Variants in PES1 observed in about 807,000 individuals in gnomAD.
PES1 encodes pescadillo ribosomal biogenesis factor 1.
PES1 carries 31 observed loss-of-function variants against 77.1 expected under a neutral mutation model. The observed-to-expected ratio is 0.40, with a 90% CI of 0.30 to 0.54. The LOEUF (loss-of-function observed/expected upper bound fraction) is 0.54. Ranked by LOEUF, PES1 falls within the 20% of genes least tolerant of loss-of-function variation. The probability of loss-of-function intolerance (pLI) is 0.45; values close to 1 mark genes in which losing one functional copy is unlikely to be tolerated. For synonymous variants in PES1, 282 were observed against 303.0 expected, an observed-to-expected ratio of 0.93 and a Z score of 0.72; for missense variants, 658 against 771.7, an observed-to-expected ratio of 0.85 and a Z score of 1.75.
At chr22:30,597,282 C>T (rs973567376) in intron 2 of PES1, among the ~76,000 whole-genome samples, 2 of 152,072 alleles carry the variant, frequency 1.3e-5, no homozygotes, top group South Asian at 2.1e-4. Flanking sequence ...GGCAGCTCCA[C>T]CTGTCCTGCC....
chr22:30,579,827 A>G lies in PES1; in HGVS notation c.1278T>C (p.Phe426=), dbSNP rs558376612. 24 of 1,614,028 alleles carry G rather than the reference A, an allele frequency of 1.5e-5. No individual in the cohort carries two copies. The highest frequency in any genetic ancestry group is 1.9e-5 in the Non-Finnish European group (23 of 1,180,018). ...GVQLPPHLSP[F]VTEKEGDYVP... The stretch of plus-strand genomic sequence containing the variant: ...CGTAATCTCCTTCCTTCTCGGTCAC[A>G]AAGGGTGAAAGGTGTGGGGGCAGCT... The change falls in exon 12 of 15, where the codon TTT becomes TTC. Residue 426 remains phenylalanine, a synonymous_variant. Coordinates refer to ENST00000354694, the MANE Select transcript of PES1 (RefSeq NM_014303.4).
chr22:30,588,174 C>T lies in PES1; in HGVS notation c.105G>A (p.Arg35=), dbSNP rs779934235. The T allele has an allele frequency of 1.9e-5, 31 of 1,614,050 alleles. No homozygotes were observed. The East Asian group carries it at 5.8e-4, about 30-fold the overall frequency. The change falls in exon 3 of 15, where the codon AGG becomes AGA. Residue 35 remains arginine, a splice_region_variant and synonymous_variant. Coordinates refer to ENST00000354694, the MANE Select transcript of PES1 (RefSeq NM_014303.4). ...KKLQLSLADF[R]RLCILKGIYP... ...AAATGCCCTTCAGAATGCACAGCCG[C>T]CTGGAAGACAGAGGCCATCTGTTAT... is the stretch of plus-strand genomic sequence containing the variant.
upstream of PES1, among the ~76,000 whole-genome samples, chr22:30,594,666 C>CT (rs1220334240): frequency 3.5e-5 from 5 of 141,892 alleles, no homozygotes; most frequent in Non-Finnish European, 7.8e-5. Context: ...TGTGCCCCGC[C>CT]TTAAAAAAAA....
intron 1 of PES1, 119 bp downstream of exon 1, chr22:30,591,691 G>T: frequency 8.6e-7 from 1 of 1,165,816 alleles, no homozygotes; most frequent in Non-Finnish European, 1.2e-6. Flanking sequence ...GCTGATTACG[G>T]TCACGTCGAT....
At chr22:30,587,172 T>G in intron 4 of PES1, 114 bp downstream of exon 4, 1 of 767,168 alleles carries the variant, frequency 1.3e-6, no homozygotes, top group Non-Finnish European at 2.2e-6. Context: ...CTTGAAAAAG[T>G]TGCAAGCTCT....
chr22:30,606,304 C>G (rs1444947260), intron 1 of PES1, among the ~76,000 whole-genome samples: 2 of 152,158 alleles, frequency 1.3e-5, no homozygotes, highest in Non-Finnish European at 2.9e-5. Context: ...AATCTTGGCT[C>G]ACTGTAGCCT....
chr22:30,595,803 G>A (rs1028745875), upstream of PES1, among the ~76,000 whole-genome samples: 3 of 152,098 alleles, frequency 2.0e-5, no homozygotes, highest in Non-Finnish European at 2.9e-5. Context: ...TGGGCTTACC[G>A]GCAGGGGTGG....
At chr22:30,585,212 T>C (rs931395127) in intron 4 of PES1, 3 of 469,690 alleles carry the variant, frequency 6.4e-6, no homozygotes, top group African/African-American at 6.0e-5. Context: ...AGGTTATGTC[T>C]TCCATGCCTC....
chr22:30,583,112 G>A (rs2087011770), intron 6 of PES1, among the ~76,000 whole-genome samples: 1 of 152,210 alleles, frequency 6.6e-6, no homozygotes, highest in Admixed American at 6.5e-5. Context: ...AGTCTGAGCA[G>A]CATGGGGGCA....
At chr22:30,590,961 GAAC>G (rs1257620724) in intron 1 of PES1, among the ~76,000 whole-genome samples, 2 of 152,162 alleles carry the variant, frequency 1.3e-5, no homozygotes, top group Non-Finnish European at 2.9e-5. Flanking sequence ...GTTGGGTTAA[GAAC>G]ACTGGCAATA....
chr22:30,579,542 G>A (rs2086950208), intron 12 of PES1: 1 of 701,880 alleles, frequency 1.4e-6, no homozygotes, highest in Non-Finnish European at 2.3e-6. Context: ...TGACAATGCA[G>A]CATGTTCTTC....
chr22:30,603,873 AGTT>A (rs1275992884), intron 2 of PES1: 1 of 152,208 alleles, frequency 6.6e-6, no homozygotes, highest in Non-Finnish European at 1.5e-5. Context: ...AAACAAACCC[AGTT>A]GTTGACTTAT....
intron 8 of PES1, 82 bp from the exon 9 acceptor site, chr22:30,581,183 T>C (rs1200066385): frequency 2.9e-6 from 4 of 1,369,604 alleles, no homozygotes; most frequent in Non-Finnish European, 4.1e-6. Context: ...GCAGTGACAG[T>C]CCTGGGCATC....
At chr22:30,601,275 T>C (rs1240334187) in intron 2 of PES1, among the ~76,000 whole-genome samples, 5 of 152,172 alleles carry the variant, frequency 3.3e-5, no homozygotes, top group Non-Finnish European at 5.9e-5. Flanking sequence ...TGACACATCC[T>C]CTTTATCTCT....
At position 30,576,740 on chromosome 22, in the gene PES1, A is replaced by C. The variant is rs1180394254; in HGVS notation, c.*306T>G. 2.4e-6 allele frequency: 1 copy of C among 424,436 alleles called. No individual in the cohort carries two copies. Among genetic ancestry groups the C allele is most frequent in the Non-Finnish European group, 4.3e-6 (1 of 235,144 alleles). The allele number at this position is 424,436 out of a possible 1,614,324, so 26.3% of individuals were successfully genotyped here. ...GTGTGGGAGGGGGCTGTGGAAAGCC[A>C]GGATGAATGGGGGCAGTAGGTAGGG... is the stretch of plus-strand genomic sequence containing the variant. On this transcript the variant is annotated 3_prime_UTR_variant, in exon 15 of 15. Transcript: ENST00000354694.
intron 6 of PES1, among the ~76,000 whole-genome samples, chr22:30,581,917 A>T (rs1190625332): frequency 1.3e-5 from 2 of 152,124 alleles, no homozygotes; most frequent in Non-Finnish European, 2.9e-5. Context: ...AGACCCCCAT[A>T]AAAGAGTGAG....
chr22:30,589,163 G>A (rs540664925), intron 2 of PES1, 28 bp downstream of exon 2: 61 of 1,578,322 alleles, frequency 3.9e-5, no homozygotes, highest in East Asian at 1.1e-4. Context: ...TTCACTGCCC[G>A]GGCTTCCCAC....
rs754189308 is a variant in PES1, at chr22:30,578,978, G to A, written c.1542C>T (p.Gly514=). 6.2e-7 allele frequency: 1 copy of A among 1,611,690 alleles called. No homozygotes were observed. The highest frequency in any genetic ancestry group is 8.5e-7 in the Non-Finnish European group (1 of 1,179,992). Residue 514 remains glycine, a synonymous_variant, in exon 14 of 15, where the codon GGC becomes GGT. Transcript: ENST00000354694. ...GCTGCTTATCCTCCAGCTTCAAGGT[G>A]CCTGCCATCACCCTGGGCTTCTGGG... ...MEGKKPRVMA[G]TLKLEDKQRL...
At chr22:30,587,239 A>C (rs2087104189) in intron 4 of PES1, 47 bp downstream of exon 4, 2 of 1,286,008 alleles carry the variant, frequency 1.6e-6, no homozygotes, top group Admixed American at 3.4e-5. Flanking sequence ...GGCAGAGACC[A>C]GCAGTAAATG....
Sources: gnomAD v4.1 joint callset for allele counts (sites outside exome capture counted in the v4.1 genomes callset) on GRCh38, gnomAD v4.1.1 for gene constraint, MANE v1.5 for transcripts, NCBI Gene and HGNC (gene_info 2026-07-23, HGNC 2026-07-21) for gene names.